OSBPL10: variants seen among roughly 807,000 people sequenced by gnomAD.
OSBPL10 encodes oxysterol-binding protein-related protein 10.
In OSBPL10, 49 loss-of-function variants were observed where a neutral mutation model predicts 81.7. That is an observed-to-expected ratio of 0.60 (90% CI 0.48 to 0.76). The LOEUF (loss-of-function observed/expected upper bound fraction) is 0.76. Ranked by LOEUF, OSBPL10 falls within the 30% of genes least tolerant of loss-of-function variation. OSBPL10 has a pLI of 0.00. For synonymous variants in OSBPL10, 419 were observed against 383.6 expected, an observed-to-expected ratio of 1.09 and a Z score of -1.08; for missense variants, 923 against 987.8, an observed-to-expected ratio of 0.93 and a Z score of 0.88.
chr3:31,726,310 ATTTTT>A (rs11338208), intron 6 of OSBPL10, among the ~76,000 whole-genome samples: 1 of 148,286 alleles, frequency 6.7e-6, no homozygotes, highest in African/African-American at 2.5e-5. Context: ...TGTCTTTTTA[ATTTTT>A]TTTTTTTATT....
intron 1 of OSBPL10, among the ~76,000 whole-genome samples, chr3:31,914,922 C>T (rs1045164753): frequency 1.3e-5 from 2 of 152,136 alleles, no homozygotes; most frequent in East Asian, 1.9e-4. Flanking sequence ...GTATAAGCTC[C>T]CTGTGTTTAC....
At chr3:31,672,142 T>C (rs536643927) in intron 8 of OSBPL10, among the ~76,000 whole-genome samples, 27 of 152,058 alleles carry the variant, frequency 1.8e-4, no homozygotes, top group Admixed American at 2.6e-4. Context: ...GTGGGGTCAA[T>C]GGCTCCCACA....
chr3:31,665,344 G>A (rs1380668853), intron 10 of OSBPL10, among the ~76,000 whole-genome samples: 1 of 152,180 alleles, frequency 6.6e-6, no homozygotes, highest in Admixed American at 6.5e-5. Context: ...TCCCTCCCTG[G>A]CTTCTAGAAA....
chr3:31,956,594 G>A (rs1394561697), intron 1 of OSBPL10, among the ~76,000 whole-genome samples: 1 of 152,098 alleles, frequency 6.6e-6, no homozygotes. Flanking sequence ...TGGGCTTGGT[G>A]GCGGGCACCT....
intron 1 of OSBPL10, among the ~76,000 whole-genome samples, chr3:32,077,115 T>C (rs1453759463): frequency 1.3e-5 from 2 of 152,182 alleles, no homozygotes; most frequent in Admixed American, 6.5e-5. Flanking sequence ...AGGGCTATTA[T>C]CGTCTTTGTT....
chr3:31,708,762 CTT>C (rs1696157285), intron 6 of OSBPL10: 1 of 985,330 alleles, frequency 1.0e-6, no homozygotes, highest in Non-Finnish European at 1.2e-6. Flanking sequence ...CTGGAAGAGT[CTT>C]TTTGGTGGCT....
chr3:31,904,523 A>G (rs1696347198), intron 1 of OSBPL10, among the ~76,000 whole-genome samples: 1 of 152,164 alleles, frequency 6.6e-6, no homozygotes, highest in Non-Finnish European at 1.5e-5. Context: ...GCCACCAAAA[A>G]TAAAATTAAA....
At chr3:31,826,577 A>C (rs139288589) in intron 4 of OSBPL10, among the ~76,000 whole-genome samples, 1 of 152,248 alleles carries the variant, frequency 6.6e-6, no homozygotes, top group Non-Finnish European at 1.5e-5. Context: ...ATTCAGGCAC[A>C]TCTGTCTTGT....
chr3:31,867,661 T>G (rs1322651162), intron 3 of OSBPL10, among the ~76,000 whole-genome samples: 1 of 151,578 alleles, frequency 6.6e-6, no homozygotes, highest in East Asian at 1.9e-4. Flanking sequence ...GAGAATTGCT[T>G]GAACCTGGGA....
intron 4 of OSBPL10, among the ~76,000 whole-genome samples, chr3:31,818,440 C>T (rs751159254): frequency 1.1e-4 from 17 of 152,128 alleles, no homozygotes; most frequent in Non-Finnish European, 2.4e-4. Flanking sequence ...TCTGTGTGCA[C>T]GGGTGCATAT....
chr3:31,911,293 T>C (rs1696570035), intron 1 of OSBPL10, among the ~76,000 whole-genome samples: 1 of 152,052 alleles, frequency 6.6e-6, no homozygotes. Flanking sequence ...AGTAAACAAA[T>C]GGGCATGACT....
chr3:31,926,289 G>GCCCGCC (rs1553641092), intron 1 of OSBPL10, among the ~76,000 whole-genome samples: 3,769 of 130,206 alleles, frequency 0.029, 226 homozygotes, highest in Admixed American at 0.051. Context: ...GGGTGATTTT[G>GCCCGCC]CCCCCCCAGA....
chr3:31,981,619 T>G (rs957907165), upstream of OSBPL10, among the ~76,000 whole-genome samples: 2 of 152,002 alleles, frequency 1.3e-5, no homozygotes, highest in Non-Finnish European at 2.9e-5. The surrounding 1 kb of genome is among the most constrained non-coding windows in gnomAD (Gnocchi z 4.5). Flanking sequence ...CTCTCTTGGA[T>G]CCGAAGGGGC....
chr3:31,875,972 C>T (rs1446786015), intron 3 of OSBPL10, among the ~76,000 whole-genome samples: 1 of 152,116 alleles, frequency 6.6e-6, no homozygotes, highest in African/African-American at 2.4e-5. Flanking sequence ...ATAAATCATA[C>T]TTGGATGCCA....
At chr3:31,698,538 A>C (rs183025541) in intron 7 of OSBPL10, among the ~76,000 whole-genome samples, 52 of 152,244 alleles carry the variant, frequency 3.4e-4, no homozygotes, top group African/African-American at 1.1e-3. Flanking sequence ...CATATCACTC[A>C]AAACAACATC....
chr3:31,919,078 C>T lies in OSBPL10; in HGVS notation c.282-39248G>A, dbSNP rs143928664. Among the ~76,000 whole-genome samples the T allele has an allele frequency of 1.0e-3, 156 of 152,298 alleles. 1 individual carries two copies. The highest frequency in any genetic ancestry group is 2.0e-3 in the Non-Finnish European group (134 of 68,034). Reference sequence around the variant, plus strand: ...TGATTCCAAATGCTGGGCTTTTGCTCATACTGTACCTTCTACCCAGAATGC... The same window carrying T: ...TGATTCCAAATGCTGGGCTTTTGCTTATACTGTACCTTCTACCCAGAATGC... On this transcript the variant is annotated intron_variant, in intron 1 of 11. Coordinates refer to ENST00000396556, the MANE Select transcript of OSBPL10 (RefSeq NM_017784.5).
chr3:31,769,479 AC>A (rs1231824624), intron 4 of OSBPL10, among the ~76,000 whole-genome samples: 1 of 138,690 alleles, frequency 7.2e-6, no homozygotes, highest in Non-Finnish European at 1.6e-5. Context: ...ACAAAAAAAA[AC>A]AGAATAAAAA....
chr3:31,788,561 G>A (rs1399842153), intron 4 of OSBPL10, among the ~76,000 whole-genome samples: 1 of 152,096 alleles, frequency 6.6e-6, no homozygotes, highest in Non-Finnish European at 1.5e-5. Context: ...TATTTAATCA[G>A]TAACTTTGCC....
chr3:31,812,626 A>G (rs1396712229), intron 4 of OSBPL10, among the ~76,000 whole-genome samples: 1 of 151,752 alleles, frequency 6.6e-6, no homozygotes, highest in African/African-American at 2.4e-5. Flanking sequence ...TGTCAGTGAG[A>G]AATCTTCACC....
Sources: allele counts gnomAD v4.1 joint callset (sites outside exome capture counted in the v4.1 genomes callset), GRCh38; gene constraint gnomAD v4.1.1; non-coding constraint Gnocchi (gnomAD v3.1); transcripts MANE v1.5; gene names NCBI Gene and HGNC (gene_info 2026-07-23, HGNC 2026-07-21).